ZCWPW2: variants seen among roughly 807,000 people sequenced by gnomAD.
The protein encoded by ZCWPW2 is zinc finger CW-type and PWWP domain containing 2.
A neutral mutation model predicts 46.6 loss-of-function variants in ZCWPW2; 45 were observed. That is an observed-to-expected ratio of 0.96 (90% CI 0.76 to 1.24). The LOEUF (loss-of-function observed/expected upper bound fraction) is 1.24. Ranked by LOEUF, ZCWPW2 falls within the 50% of genes most tolerant of loss-of-function variation. The pLI, the probability that ZCWPW2 is intolerant of heterozygous loss-of-function variation, is 0.00. For missense variants in ZCWPW2, 429 were observed against 403.9 expected (o/e 1.06, Z -0.53); for synonymous variants, 152 against 137.1 (o/e 1.11, Z -0.76).
chr3:28,381,623 T>C (rs180922613), intron 1 of ZCWPW2, among the ~76,000 whole-genome samples: 14 of 152,078 alleles, frequency 9.2e-5, no homozygotes, highest in Non-Finnish European at 7.4e-5. Context: ...ATGTCTTTAC[T>C]AAAAATAAAA....
At chr3:28,443,973 C>T (rs190848112) in intron 4 of ZCWPW2, among the ~76,000 whole-genome samples, 12 of 152,256 alleles carry the variant, frequency 7.9e-5, no homozygotes, top group Non-Finnish European at 1.8e-4. Flanking sequence ...ACTTCCAGCT[C>T]ACTCACAATG....
At chr3:28,385,514 G>A (rs1695237581) in intron 1 of ZCWPW2, among the ~76,000 whole-genome samples, 1 of 152,186 alleles carries the variant, frequency 6.6e-6, no homozygotes, top group Non-Finnish European at 1.5e-5. Context: ...ACTGCATCCA[G>A]GCCTTATGGT....
intron 4 of ZCWPW2, among the ~76,000 whole-genome samples, chr3:28,467,861 C>G (rs1167167638): frequency 6.6e-6 from 1 of 152,140 alleles, no homozygotes; most frequent in Non-Finnish European, 1.5e-5. Flanking sequence ...CAGGTGCAAA[C>G]AAACCCATAT....
At chr3:28,470,513 G>A (rs78638384) in intron 4 of ZCWPW2, among the ~76,000 whole-genome samples, 24 of 133,332 alleles carry the variant, frequency 1.8e-4, no homozygotes, top group African/African-American at 5.6e-4. Context: ...AAAAAAAAAA[G>A]GAAGGAAATT....
intron 3 of ZCWPW2, among the ~76,000 whole-genome samples, chr3:28,417,091 T>C (rs1388030947): frequency 1.4e-5 from 2 of 139,838 alleles, no homozygotes; most frequent in South Asian, 4.5e-4. Flanking sequence ...GTCAACAAAA[T>C]TGATAGACCG....
chr3:28,435,134 C>T lies in ZCWPW2; in HGVS notation c.357C>T (p.Asp119=). 6.2e-7 allele frequency: 1 copy of T among 1,611,178 alleles called. No homozygotes were observed. Among genetic ancestry groups the T allele is most frequent in the Non-Finnish European group, 8.5e-7 (1 of 1,179,450 alleles). Residue 119 remains aspartate, a synonymous_variant, in exon 4 of 10, where the codon GAC becomes GAT. Coordinates refer to ENST00000383768, the MANE Select transcript of ZCWPW2 (RefSeq NM_001040432.4). ...GTTGGCCAGGAATACTTTGCCCTGACCGTTTTAAAGGGAAATATGTAACTT... is the reference window on the plus strand; with the variant it reads ...GTTGGCCAGGAATACTTTGCCCTGATCGTTTTAAAGGGAAATATGTAACTT... ...WPSWPGILCP[D]RFKGKYVTYD...
rs150489737 is a variant in ZCWPW2 at position 28,449,299 on chromosome 3, G to A, written c.492+14030G>A. Among the ~76,000 whole-genome samples, 373 of 152,102 alleles carry A rather than the reference G, an allele frequency of 2.5e-3. 1 individual carries two copies. The highest frequency in any genetic ancestry group is 8.2e-3 in the African/African-American group (340 of 41,500). On this transcript the variant is annotated intron_variant, in intron 4 of 9. Transcript: ENST00000383768. ...TTCTAAAGTCTTAGAAGAAAACACA[G>A]GACAATAACTAGTGGCATATACCAA... is the stretch of plus-strand genomic sequence containing the variant.
intron 1 of ZCWPW2, among the ~76,000 whole-genome samples, chr3:28,368,555 TG>T (rs1266698673): frequency 1.3e-5 from 2 of 152,188 alleles, no homozygotes; most frequent in Non-Finnish European, 2.9e-5. Context: ...CTTCCCTTTG[TG>T]GGTAACCCGA....
At chr3:28,353,392 G>A (rs929969867) in intron 1 of ZCWPW2, among the ~76,000 whole-genome samples, 3 of 152,082 alleles carry the variant, frequency 2.0e-5, no homozygotes, top group Admixed American at 6.6e-5. Context: ...ATTATGTTGG[G>A]ATAAGCTAAT....
intron 3 of ZCWPW2, among the ~76,000 whole-genome samples, chr3:28,427,025 C>T (rs747334463): frequency 6.6e-5 from 10 of 152,122 alleles, no homozygotes; most frequent in African/African-American, 1.4e-4. Flanking sequence ...CCCTTTCCTC[C>T]GATGGATTTC....
chr3:28,430,013 G>A (rs1188494941), intron 3 of ZCWPW2, among the ~76,000 whole-genome samples: 2 of 152,174 alleles, frequency 1.3e-5, no homozygotes, highest in East Asian at 3.9e-4. Context: ...GAAATGTGGG[G>A]TTGGAGCCCC....
chr3:28,448,894 G>T (rs1475991693), intron 4 of ZCWPW2, among the ~76,000 whole-genome samples: 3 of 140,638 alleles, frequency 2.1e-5, no homozygotes, highest in Non-Finnish European at 4.6e-5. Context: ...AATCCTAATG[G>T]TATTTTTGCA....
chr3:28,398,799 TC>T (rs1419235980), intron 2 of ZCWPW2, among the ~76,000 whole-genome samples: 3 of 152,012 alleles, frequency 2.0e-5, no homozygotes, highest in Admixed American at 2.0e-4. Context: ...GCTCGCTGGG[TC>T]CCCTAGAAAG....
intron 4 of ZCWPW2, among the ~76,000 whole-genome samples, chr3:28,437,457 A>AT (rs891683146): frequency 2.0e-5 from 3 of 152,148 alleles, no homozygotes; most frequent in African/African-American, 4.8e-5. Flanking sequence ...TTTAAATTAA[A>AT]TTTTTTTTGT....
Position 28,436,725 on chromosome 3 carries a change from C to T in ZCWPW2, c.492+1456C>T, listed in dbSNP as rs577071828. 1.6e-4 allele frequency among the ~76,000 whole-genome samples: 25 copies of T among 152,260 alleles called. 1 individual carries two copies. In the South Asian group the frequency reaches 2.3e-3, roughly 14 times the overall value. The stretch of plus-strand genomic sequence containing the variant: ...GGAATAACACCATATAAATCAATTT[C>T]ATGCTAGTTGTGATCCAGTCATCGT... On this transcript the variant is annotated intron_variant, in intron 4 of 9. Coordinates refer to ENST00000383768, the MANE Select transcript of ZCWPW2 (RefSeq NM_001040432.4).
At chr3:28,350,935 A>G (rs1704527347) in intron 1 of ZCWPW2, among the ~76,000 whole-genome samples, 1 of 151,828 alleles carries the variant, frequency 6.6e-6, no homozygotes, top group Admixed American at 6.6e-5. Flanking sequence ...TTTCCAGAGC[A>G]TCTTGATTCC....
rs768941747 is a variant in ZCWPW2, at chr3:28,413,097, T to C, written c.29T>C (p.Ile10Thr). Residue 10 changes from isoleucine (I) to threonine (T), a missense_variant, in exon 3 of 10, where the codon ATT (isoleucine) becomes ACT (threonine). Physicochemically the swap from Ile to Thr is moderately conservative, Grantham distance 89. Coordinates refer to ENST00000383768, the MANE Select transcript of ZCWPW2 (RefSeq NM_001040432.4). MDKEKLDVK[I>T]EYCNYAMDSS... ...GATAAAGAAAAATTGGATGTTAAGA[T>C]TGAATATTGTAACTATGCAATGGAT... is the stretch of plus-strand genomic sequence containing the variant. 1.2e-6 allele frequency: 2 copies of C among 1,611,576 alleles called. No individual in the cohort carries two copies. Among genetic ancestry groups the C allele is most frequent in the South Asian group, 2.2e-5 (2 of 90,886 alleles).
chr3:28,386,556 C>T (rs1378550292), intron 1 of ZCWPW2, among the ~76,000 whole-genome samples: 4 of 152,084 alleles, frequency 2.6e-5, no homozygotes, highest in African/African-American at 9.7e-5. Context: ...AAATTATTAG[C>T]TAAAGTTTGC....
intron 1 of ZCWPW2, among the ~76,000 whole-genome samples, chr3:28,379,446 G>A (rs1705601770): frequency 6.6e-6 from 1 of 152,154 alleles, no homozygotes; most frequent in East Asian, 1.9e-4. Context: ...AGCAAAAAAT[G>A]CCCTTAAGAA....
Sources: gnomAD v4.1 joint callset for allele counts (sites outside exome capture counted in the v4.1 genomes callset) on GRCh38, gnomAD v4.1.1 for gene constraint, MANE v1.5 for transcripts, NCBI Gene and HGNC (gene_info 2026-07-23, HGNC 2026-07-21) for gene names.